SCFD2: variants seen among roughly 807,000 people sequenced by gnomAD.
SCFD2 encodes sec1 family domain containing 2.
Under a neutral mutation model 58.9 loss-of-function variants are expected in SCFD2, and 54 were observed. The observed-to-expected ratio is 0.92, with a 90% CI of 0.74 to 1.15. The LOEUF (loss-of-function observed/expected upper bound fraction) is 1.15. SCFD2 is among the 50% of genes most tolerant of loss of function. The pLI is 0.00. For missense variants in SCFD2, 805 were observed against 836.6 expected (o/e 0.96, Z 0.47); for synonymous variants, 321 against 335.9 (o/e 0.96, Z 0.49).
At chr4:53,079,013 G>A (rs1223003386) in intron 5 of SCFD2, among the ~76,000 whole-genome samples, 1 of 152,070 alleles carries the variant, frequency 6.6e-6, no homozygotes, top group African/African-American at 2.4e-5. Flanking sequence ...CAAGAACCAA[G>A]AGGAGATCTA....
intron 4 of SCFD2, among the ~76,000 whole-genome samples, chr4:53,238,689 C>G (rs1202600783): frequency 1.2e-4 from 18 of 150,460 alleles, no homozygotes; most frequent in African/African-American, 4.4e-4. Flanking sequence ...GACGGGGTTG[C>G]GGCCGGGCAG....
intron 1 of SCFD2, among the ~76,000 whole-genome samples, chr4:53,361,961 T>A (rs572189528): frequency 6.6e-6 from 1 of 152,194 alleles, no homozygotes. Flanking sequence ...ATATATTGAA[T>A]ACCTACTGTT....
At chr4:53,012,437 C>T (rs1722116937) in intron 5 of SCFD2, among the ~76,000 whole-genome samples, 2 of 151,808 alleles carry the variant, frequency 1.3e-5, no homozygotes, top group South Asian at 4.2e-4. Flanking sequence ...CACTGTGATC[C>T]TGGTCAAATA....
chr4:53,036,655 G>A (rs1198635572), intron 5 of SCFD2, among the ~76,000 whole-genome samples: 1 of 151,858 alleles, frequency 6.6e-6, no homozygotes, highest in Non-Finnish European at 1.5e-5. Flanking sequence ...AGAAAATATG[G>A]ACATAGGGAG....
At chr4:53,326,336 T>C (rs1274896853) in intron 2 of SCFD2, among the ~76,000 whole-genome samples, 3 of 152,080 alleles carry the variant, frequency 2.0e-5, no homozygotes, top group Admixed American at 1.3e-4. Context: ...AGTGACAGTG[T>C]TTCACCGTGT....
intron 4 of SCFD2, among the ~76,000 whole-genome samples, chr4:53,184,638 C>T (rs1476181557): frequency 6.6e-6 from 1 of 152,076 alleles, no homozygotes; most frequent in South Asian, 2.1e-4. Flanking sequence ...CTAATATCTA[C>T]TCTGTTTGTC....
At chr4:53,203,106 G>A (rs566389257) in intron 4 of SCFD2, among the ~76,000 whole-genome samples, 103 of 152,324 alleles carry the variant, frequency 6.8e-4, no homozygotes, top group Admixed American at 1.4e-3. Flanking sequence ...TCTTGTGCCA[G>A]TTTTCAAAGG....
intron 4 of SCFD2, among the ~76,000 whole-genome samples, chr4:53,149,769 C>T (rs1726452618): frequency 6.6e-6 from 1 of 152,108 alleles, no homozygotes; most frequent in Non-Finnish European, 1.5e-5. Context: ...AGTATCTTCC[C>T]CAGAACCCAT....
chr4:53,313,629 G>C lies in SCFD2; in HGVS notation c.1135+7C>G, dbSNP rs80219351. ...AGAGGCTGCCTGTGTCCTAGGTTTA[G>C]GCTTACCCATACTCATCTTGATTGG... On this transcript the variant is annotated splice_region_variant and intron_variant, in intron 3 of 8. Transcript: ENST00000401642. 6.2e-7 allele frequency: 1 copy of C among 1,613,748 alleles called. No homozygotes were observed. The highest frequency in any genetic ancestry group is 1.1e-5 in the South Asian group (1 of 91,050).
intron 5 of SCFD2, among the ~76,000 whole-genome samples, chr4:52,968,536 C>T (rs185223546): frequency 1.3e-5 from 2 of 152,150 alleles, no homozygotes; most frequent in African/African-American, 2.4e-5. Context: ...TTTATGTAGC[C>T]GTGGTTGGCT....
intron 5 of SCFD2, among the ~76,000 whole-genome samples, chr4:53,088,793 C>T (rs1309050011): frequency 1.3e-5 from 2 of 152,032 alleles, no homozygotes; most frequent in Non-Finnish European, 2.9e-5. Flanking sequence ...GATGCAATGT[C>T]TTTTGCTTGT....
intron 5 of SCFD2, among the ~76,000 whole-genome samples, chr4:53,101,965 G>A (rs1210755717): frequency 6.6e-6 from 1 of 152,134 alleles, no homozygotes; most frequent in South Asian, 2.1e-4. Flanking sequence ...ACAATGAAAA[G>A]AAAGAGTTGT....
intron 5 of SCFD2, among the ~76,000 whole-genome samples, chr4:53,070,976 G>C (rs539096077): frequency 6.6e-6 from 1 of 152,194 alleles, no homozygotes; most frequent in African/African-American, 2.4e-5. Context: ...TTAGCTAGAT[G>C]TGCCATGTGA....
At chr4:53,113,765 T>G (rs1001512039) in intron 5 of SCFD2, among the ~76,000 whole-genome samples, 8 of 152,220 alleles carry the variant, frequency 5.3e-5, no homozygotes, top group Middle Eastern at 3.4e-3. Flanking sequence ...ATGAACACAT[T>G]TATTATTGGA....
At chr4:53,300,785 A>G (rs1732252121) in intron 3 of SCFD2, among the ~76,000 whole-genome samples, 2 of 152,262 alleles carry the variant, frequency 1.3e-5, no homozygotes, top group Admixed American at 6.5e-5. Flanking sequence ...AGAACTCAGT[A>G]TTAAGAAACT....
intron 5 of SCFD2, among the ~76,000 whole-genome samples, chr4:53,011,623 G>A (rs1722095256): frequency 6.6e-6 from 1 of 152,170 alleles, no homozygotes; most frequent in African/African-American, 2.4e-5. Context: ...ACCTATGAGA[G>A]GCACTGGCTC....
intron 7 of SCFD2, among the ~76,000 whole-genome samples, chr4:52,898,733 G>C (rs1192558189): frequency 6.6e-6 from 1 of 152,162 alleles, no homozygotes; most frequent in African/African-American, 2.4e-5. Context: ...TTGTTGATCT[G>C]TCTAATGTTG....
intron 7 of SCFD2, among the ~76,000 whole-genome samples, chr4:52,896,007 T>C (rs1308796986): frequency 1.3e-5 from 2 of 151,884 alleles, no homozygotes; most frequent in East Asian, 3.8e-4. Context: ...TTTGATGGGG[T>C]TGTTTGTTTT....
At chr4:53,030,312 A>C (rs1307620757) in intron 5 of SCFD2, among the ~76,000 whole-genome samples, 4 of 152,204 alleles carry the variant, frequency 2.6e-5, no homozygotes, top group Non-Finnish European at 1.5e-5. Context: ...AAAAACAGAA[A>C]CAAAAAAGGA....
Sources: allele counts gnomAD v4.1 joint callset (sites outside exome capture counted in the v4.1 genomes callset), GRCh38; gene constraint gnomAD v4.1.1; transcripts MANE v1.5; gene names NCBI Gene and HGNC (gene_info 2026-07-23, HGNC 2026-07-21).